Variants in CYB5RL observed in about 807,000 individuals in gnomAD.
The protein encoded by CYB5RL is cytochrome b5 reductase like, also known as NADH-cytochrome b5 reductase-like.
A neutral mutation model predicts 37.5 loss-of-function variants in CYB5RL; 38 were observed. The observed-to-expected ratio is 1.01, with a 90% CI of 0.78 to 1.33. CYB5RL has a LOEUF of 1.33. CYB5RL is among the 40% of genes most tolerant of loss of function. CYB5RL has a pLI of 0.00. For synonymous variants in CYB5RL, 141 were observed against 151.9 expected (o/e 0.93, Z 0.53); for missense variants, 388 against 394.4 (o/e 0.98, Z 0.14).
At position 54,199,995 on chromosome 1, in the gene CYB5RL, C is replaced by T. The variant is rs1644061916; in HGVS notation, c.-242G>A. ...ACTCACCTACTCGCCTGCGCTTCAC[C>T]TCACGTGAGGATTTTCCAGGTTCCT... On this transcript the variant is annotated 5_prime_UTR_variant, in exon 1 of 8. Coordinates refer to ENST00000534324, the MANE Select transcript of CYB5RL (RefSeq NM_001031672.4). The T allele has an allele frequency of 1.7e-5, 9 of 532,248 alleles. No homozygotes were observed. Among genetic ancestry groups the T allele is most frequent in the Middle Eastern group, 4.8e-4 (1 of 2,080 alleles). The allele number at this position is 532,248 out of a possible 1,614,324, so 33.0% of individuals were successfully genotyped here. A position where few individuals can be genotyped will look rare whatever the true frequency, so the allele number is the denominator to read the frequency against.
chr1:54,174,390 C>G lies in CYB5RL; in HGVS notation c.*229G>C. The G allele has an allele frequency of 1.8e-6, 1 of 553,198 alleles. No homozygotes were observed. Among genetic ancestry groups the G allele is most frequent in the Non-Finnish European group, 3.2e-6 (1 of 310,664 alleles). The allele number at this position is 553,198 out of a possible 1,614,324, so 34.3% of individuals were successfully genotyped here. On this transcript the variant is annotated 3_prime_UTR_variant, in exon 8 of 8. Transcript: ENST00000534324. ...AGGCTGGTTGCTCACCTCCTCAGGG[C>G]CCCTACAGCCCATCCTCCTTCTACA...
intron 2 of CYB5RL, among the ~76,000 whole-genome samples, 186 bp downstream of exon 2, chr1:54,196,183 T>TTTTTG (rs1328169216): frequency 1.3e-5 from 2 of 152,166 alleles, no homozygotes; most frequent in African/African-American, 4.8e-5. Context: ...TAAAAGATAT[T>TTTTTG]TTTTGTTTTG....
chr1:54,180,114 G>C (rs1031961973), intron 6 of CYB5RL: 1 of 428,448 alleles, frequency 2.3e-6, no homozygotes, highest in Admixed American at 2.6e-5. Flanking sequence ...GTGCACGCCT[G>C]TAGTCCCAGC....
In CYB5RL at chr1:54,179,149, C is replaced by A; in HGVS notation, c.744G>T (p.Gln248His). The A allele has an allele frequency of 6.2e-7, 1 of 1,611,752 alleles. No homozygotes were observed. Among genetic ancestry groups the A allele is most frequent in the Non-Finnish European group, 8.5e-7 (1 of 1,179,194 alleles). ...WNVRTFFVLS[Q>H]ESSSEQLPWS... is the part of the protein sequence containing the mutation. ...AAGAAAGTCACCACCCTGGGCTCAC[C>A]TGGCTGAGTACAAAGAAGGTACGGA... Residue 248 changes from glutamine (Q) to histidine (H), a missense_variant and splice_region_variant, in exon 7 of 8, where the codon CAG (glutamine) becomes CAT (histidine). Gln to His is a conservative substitution (Grantham distance 24). Transcript: ENST00000534324.
At chr1:54,188,040 C>G (rs1643918965) in intron 4 of CYB5RL, among the ~76,000 whole-genome samples, 1 of 152,206 alleles carries the variant, frequency 6.6e-6, no homozygotes, top group African/African-American at 2.4e-5. Context: ...CATGCTACTG[C>G]ACTCCAGCCT....
intron 7 of CYB5RL, among the ~76,000 whole-genome samples, chr1:54,178,854 A>G (rs1431749816): frequency 6.6e-6 from 1 of 152,258 alleles, no homozygotes; most frequent in African/African-American, 2.4e-5. Flanking sequence ...GGGAGGCAGT[A>G]ACGCATGGGG....
At chr1:54,193,485 T>C (rs1372987617) in intron 3 of CYB5RL, among the ~76,000 whole-genome samples, 3 of 152,172 alleles carry the variant, frequency 2.0e-5, no homozygotes, top group Admixed American at 2.0e-4. Flanking sequence ...CCCCAGTCAC[T>C]GGCAGAAGCC....
intron 6 of CYB5RL, among the ~76,000 whole-genome samples, chr1:54,183,520 A>C (rs1660215490): frequency 6.6e-6 from 1 of 152,230 alleles, no homozygotes; most frequent in East Asian, 1.9e-4. Context: ...GGAAGCAGGA[A>C]GCCATGGGGC....
chr1:54,191,245 C>T (rs891308429), intron 3 of CYB5RL, among the ~76,000 whole-genome samples: 5 of 152,204 alleles, frequency 3.3e-5, no homozygotes, highest in Admixed American at 1.3e-4. Context: ...CTCCCAAGAA[C>T]ACCCTGCTGC....
chr1:54,182,063 G>A (rs1488492346), intron 6 of CYB5RL, among the ~76,000 whole-genome samples: 1 of 152,208 alleles, frequency 6.6e-6, no homozygotes, highest in Non-Finnish European at 1.5e-5. Flanking sequence ...TCAAGACAAC[G>A]TTCATCTGTT....
intron 6 of CYB5RL, among the ~76,000 whole-genome samples, chr1:54,182,818 G>T (rs912198503): frequency 6.6e-6 from 1 of 152,242 alleles, no homozygotes; most frequent in African/African-American, 2.4e-5. Flanking sequence ...CTCCCAAAGT[G>T]CTGGGATTAC....
At chr1:54,185,604 G>A (rs1403840897) in intron 5 of CYB5RL, 1 of 152,210 alleles carries the variant, frequency 6.6e-6, no homozygotes, top group East Asian at 1.9e-4. Context: ...CCTGCACAAG[G>A]CAACGGAAGT....
intron 7 of CYB5RL, among the ~76,000 whole-genome samples, chr1:54,177,438 T>C (rs1249758982): frequency 6.6e-6 from 1 of 152,146 alleles, no homozygotes; most frequent in Non-Finnish European, 1.5e-5. Context: ...TTAACGGAAA[T>C]GCCACCTGCT....
intron 7 of CYB5RL, 103 bp from the exon 8 acceptor site, chr1:54,174,925 G>A (rs1659985480): frequency 3.9e-6 from 5 of 1,285,860 alleles, no homozygotes; most frequent in Non-Finnish European, 5.4e-6. Context: ...AAGGCAGAGG[G>A]TGTAGGAAGC....
At chr1:54,199,770 A>G (rs986190842) in intron 1 of CYB5RL, among the ~76,000 whole-genome samples, 6 of 152,264 alleles carry the variant, frequency 3.9e-5, no homozygotes, top group Non-Finnish European at 7.4e-5. Context: ...CGCTCAGGAG[A>G]GGGACAGAGC....
intron 6 of CYB5RL, among the ~76,000 whole-genome samples, chr1:54,183,338 G>A (rs757508674): frequency 2.9e-4 from 44 of 152,260 alleles, no homozygotes; most frequent in Non-Finnish European, 6.0e-4. Flanking sequence ...TCTATAGGAC[G>A]GACTTCCATA....
chr1:54,195,369 G>T, intron 3 of CYB5RL, 50 bp downstream of exon 3: 1 of 1,497,628 alleles, frequency 6.7e-7, no homozygotes, highest in Non-Finnish European at 9.0e-7. Flanking sequence ...CAGGGCCAAG[G>T]CAAGTAGATT....
Position 54,195,467 on chromosome 1 carries a change from T to G in CYB5RL, c.150A>C (p.Ala50=). Residue 50 remains alanine, a synonymous_variant, in exon 3 of 8, where the codon GCA becomes GCC. Transcript: ENST00000534324. The part of the protein sequence containing the change: ...LYHRDLARWE[A]AQASKDRSLL... Reference sequence around the variant, plus strand: ...GGCTCCTGTCCTTGCTGGCTTGGGCTGCCTCCCACCTTGCCAGATCTCGGT... The same window carrying G: ...GGCTCCTGTCCTTGCTGGCTTGGGCGGCCTCCCACCTTGCCAGATCTCGGT... 1.2e-6 allele frequency: 2 copies of G among 1,612,484 alleles called. No homozygotes were observed. The highest frequency in any genetic ancestry group is 1.7e-6 in the Non-Finnish European group (2 of 1,179,106).
intron 1 of CYB5RL, among the ~76,000 whole-genome samples, chr1:54,199,586 C>T (rs1644055872): frequency 6.6e-6 from 1 of 152,204 alleles, no homozygotes; most frequent in Non-Finnish European, 1.5e-5. Context: ...AGCTGACAGA[C>T]AGGTGTTGAG....
Sources: allele counts gnomAD v4.1 joint callset (sites outside exome capture counted in the v4.1 genomes callset), GRCh38; gene constraint gnomAD v4.1.1; transcripts MANE v1.5; gene names NCBI Gene and HGNC (gene_info 2026-07-23, HGNC 2026-07-21).